Variants in AMBRA1 observed in about 807,000 individuals in gnomAD.
AMBRA1 encodes the protein autophagy and beclin 1 regulator 1, also known as activating molecule in BECN1-regulated autophagy protein 1.
Under a neutral mutation model 125.4 loss-of-function variants are expected in AMBRA1, and 47 were observed. That is an observed-to-expected ratio of 0.37 (90% CI 0.30 to 0.48). The LOEUF (loss-of-function observed/expected upper bound fraction) is 0.48, where lower values mean the gene tolerates loss of function less well. Ranked by LOEUF, AMBRA1 falls within the 20% of genes least tolerant of loss-of-function variation. The pLI, the probability that AMBRA1 is intolerant of heterozygous loss-of-function variation, is 0.99. For missense variants in AMBRA1, 1,331 were observed against 1,693.4 expected (o/e 0.79, Z 3.76); for synonymous variants, 626 against 655.5 (o/e 0.95, Z 0.69).
At chr11:46,425,860 C>G (rs1180455433) in intron 14 of AMBRA1, among the ~76,000 whole-genome samples, 1 of 147,662 alleles carries the variant, frequency 6.8e-6, no homozygotes, top group Non-Finnish European at 1.5e-5. Context: ...AAAAAGAAAA[C>G]AGCGGGCTGG....
chr11:46,532,563 A>G (rs1255380185), intron 7 of AMBRA1, among the ~76,000 whole-genome samples: 1 of 152,086 alleles, frequency 6.6e-6, no homozygotes, highest in Admixed American at 6.5e-5. Context: ...CAGCCTCCCA[A>G]ATAGCTGGGA....
chr11:46,479,063 G>C (rs1472521261), intron 11 of AMBRA1, among the ~76,000 whole-genome samples: 1 of 152,066 alleles, frequency 6.6e-6, no homozygotes, highest in African/African-American at 2.4e-5. Flanking sequence ...GCCAGGCATG[G>C]TGGCATGTGC....
chr11:46,445,735 C>A (rs1948252000), intron 11 of AMBRA1, among the ~76,000 whole-genome samples: 1 of 152,192 alleles, frequency 6.6e-6, no homozygotes. Flanking sequence ...CCTTTGACCA[C>A]TAGTCTCTCA....
chr11:46,589,608 T>C (rs1424805672), intron 1 of AMBRA1, among the ~76,000 whole-genome samples: 5 of 151,988 alleles, frequency 3.3e-5, no homozygotes, highest in Non-Finnish European at 7.4e-5. Context: ...AAATTGGAAG[T>C]GTGAGAGAAA....
rs753813542 is a variant in AMBRA1 at position 46,542,864 on chromosome 11, T to C, written c.1153A>G (p.Asn385Asp). 2.5e-6 allele frequency: 4 copies of C among 1,613,298 alleles called. No homozygotes were observed. The highest frequency in any genetic ancestry group is 3.4e-6 in the Non-Finnish European group (4 of 1,179,918). Residue 385 changes from asparagine to aspartate, a missense_variant, in exon 7 of 18, where the codon AAC (asparagine) becomes GAC (aspartate). By Grantham distance (23) the Asn-to-Asp change is conservative (BLOSUM62 1). Around this residue, in one of 4 missense-constraint regions of AMBRA1, gnomAD observed 689 missense variants for 776.5 expected, o/e 0.89. Coordinates refer to ENST00000683756, the MANE Select transcript of AMBRA1 (RefSeq NM_001387011.1). The surrounding 1 kb of genome is among the most constrained non-coding windows in gnomAD (Gnocchi z 5.9). ...QSSTAGNTLR[N>D]LSLGPTRRSL... is the part of the protein sequence containing the mutation. ...CGGCGGGTAGGACCCAGACTGAGGT[T>C]GCGGAGCGTGTTGCCGGCAGTGCTG...
intron 7 of AMBRA1, among the ~76,000 whole-genome samples, chr11:46,520,786 T>C (rs1479602789): frequency 6.6e-6 from 1 of 150,930 alleles, no homozygotes; most frequent in Admixed American, 6.6e-5. Flanking sequence ...TTTTTTTTTT[T>C]AGTAGAGACG....
chr11:46,566,973 A>G (rs1397859647), intron 1 of AMBRA1, among the ~76,000 whole-genome samples: 1 of 152,180 alleles, frequency 6.6e-6, no homozygotes, highest in African/African-American at 2.4e-5. Flanking sequence ...CAGAGATCGC[A>G]CCACTGCACT....
chr11:46,493,719 G>A lies in AMBRA1; in HGVS notation c.2421-11C>T, dbSNP rs1375022595. 6 of 1,578,494 alleles carry A rather than the reference G, an allele frequency of 3.8e-6. No individual in the cohort carries two copies. The highest frequency in any genetic ancestry group is 5.1e-6 in the Non-Finnish European group (6 of 1,168,868). On this transcript the variant is annotated splice_polypyrimidine_tract_variant and intron_variant, in intron 10 of 17. Transcript: ENST00000683756. Reference sequence around the variant, plus strand: ...GGCAGCAAGAAACGCCTACAAGAAGGAATCACATGTGAAAAGCTGACTAAA... The same window carrying A: ...GGCAGCAAGAAACGCCTACAAGAAGAAATCACATGTGAAAAGCTGACTAAA...
intron 11 of AMBRA1, among the ~76,000 whole-genome samples, chr11:46,466,901 T>G (rs1949350924): frequency 7.0e-6 from 1 of 142,806 alleles, no homozygotes; most frequent in South Asian, 2.2e-4. Context: ...TACTAATGTT[T>G]CTTTTTTTCT....
At chr11:46,557,477 TA>T (rs1297359696) in intron 1 of AMBRA1, among the ~76,000 whole-genome samples, 2 of 152,144 alleles carry the variant, frequency 1.3e-5, no homozygotes, top group Non-Finnish European at 2.9e-5. Context: ...AACCATTTCA[TA>T]TAAAAGATCT....
chr11:46,449,277 C>T (rs11038897), intron 11 of AMBRA1, among the ~76,000 whole-genome samples: 38,757 of 152,042 alleles, frequency 0.25, 6,863 homozygotes, highest in African/African-American at 0.51. Context: ...GATGACATCA[C>T]TGTCTAATCC....
intron 14 of AMBRA1, among the ~76,000 whole-genome samples, chr11:46,432,327 A>G (rs567872518): frequency 1.3e-5 from 2 of 152,262 alleles, no homozygotes; most frequent in African/African-American, 2.4e-5. Context: ...GTAGCTGGAG[A>G]TAGGGGACAG....
At chr11:46,530,398 G>T (rs1316924287) in intron 7 of AMBRA1, among the ~76,000 whole-genome samples, 3 of 152,216 alleles carry the variant, frequency 2.0e-5, no homozygotes, top group Non-Finnish European at 4.4e-5. Flanking sequence ...CAAGCATACT[G>T]CCTGGAGGAT....
At chr11:46,576,966 T>G (rs2043980028) in intron 1 of AMBRA1, among the ~76,000 whole-genome samples, 2 of 152,204 alleles carry the variant, frequency 1.3e-5, no homozygotes, top group Non-Finnish European at 2.9e-5. Flanking sequence ...CAGTTCTTCA[T>G]ACAGGAAAGA....
At chr11:46,554,459 CAA>C (rs1335626832) in intron 1 of AMBRA1, among the ~76,000 whole-genome samples, 2 of 152,076 alleles carry the variant, frequency 1.3e-5, no homozygotes, top group Non-Finnish European at 2.9e-5. Flanking sequence ...TCAGGATTAC[CAA>C]ACAACATTTC....
Position 46,548,327 on chromosome 11 carries a change from C to G in AMBRA1, c.54G>C (p.Arg18=). The change falls in exon 2 of 18, where the codon CGG becomes CGC. Residue 18 remains arginine, a synonymous_variant. Transcript: ENST00000683756. Reference sequence around the variant, plus strand: ...GCTGAGCTCCCATGGCCCGAGCACCCCGTTCTCGCCCCCAGAGTATCCGGA... The same window carrying G: ...GCTGAGCTCCCATGGCCCGAGCACCGCGTTCTCGCCCCCAGAGTATCCGGA... ...NAVRILWGRE[R]GARAMGAQRL... is the part of the protein sequence containing the mutation. The G allele has an allele frequency of 1.2e-6, 2 of 1,614,124 alleles. No individual in the cohort carries two copies. The highest frequency in any genetic ancestry group is 1.7e-6 in the Non-Finnish European group (2 of 1,180,020).
chr11:46,479,458 C>T (rs1174983978), intron 11 of AMBRA1, among the ~76,000 whole-genome samples: 1 of 152,158 alleles, frequency 6.6e-6, no homozygotes, highest in Non-Finnish European at 1.5e-5. Flanking sequence ...GACTTGACCT[C>T]TCCTGCTTCT....
At position 46,543,332 on chromosome 11, in the gene AMBRA1, G is replaced by C; in HGVS notation, c.685C>G (p.Leu229Val). The C allele has an allele frequency of 6.2e-7, 1 of 1,614,026 alleles. No individual in the cohort carries two copies. Among genetic ancestry groups the C allele is most frequent in the Non-Finnish European group, 8.5e-7 (1 of 1,179,920 alleles). ...GTCCGGCGAACTGGCTGTGATTGCAGGAGGGCACGCTGACGGTAGTGGGAT... is the reference window on the plus strand; with the variant it reads ...GTCCGGCGAACTGGCTGTGATTGCACGAGGGCACGCTGACGGTAGTGGGAT... ...ELSHYRQRALLQSQPVRRTPL... is the reference protein window; with the variant it reads ...ELSHYRQRALVQSQPVRRTPL... Residue 229 changes from leucine (L) to valine (V), a missense_variant, in exon 7 of 18, where the codon CTG (leucine) becomes GTG (valine). By Grantham distance (32) the Leu-to-Val change is conservative. This residue lies in a region of AMBRA1 where 689 missense variants were observed against 776.5 expected (regional missense o/e 0.89). Transcript: ENST00000683756.
intron 11 of AMBRA1, among the ~76,000 whole-genome samples, chr11:46,457,000 G>A (rs565270892): frequency 6.6e-6 from 1 of 152,252 alleles, no homozygotes; most frequent in African/African-American, 2.4e-5. Flanking sequence ...TTCCTTACAG[G>A]CCACCTACAC....
Sources: allele counts gnomAD v4.1 joint callset (sites outside exome capture counted in the v4.1 genomes callset), GRCh38; gene constraint gnomAD v4.1.1; regional missense constraint gnomAD v4.1.1; non-coding constraint Gnocchi (gnomAD v3.1); transcripts MANE v1.5; gene names NCBI Gene and HGNC (gene_info 2026-07-23, HGNC 2026-07-21).